ATP8A2: variants seen among roughly 807,000 people sequenced by gnomAD.
The protein encoded by ATP8A2 is ATPase phospholipid transporting 8A2, also known as phospholipid-transporting ATPase IB.
A neutral mutation model predicts 165.6 loss-of-function variants in ATP8A2; 100 were observed. That is an observed-to-expected ratio of 0.60 (90% CI 0.51 to 0.71). ATP8A2 has a LOEUF of 0.71. ATP8A2 is among the 30% of genes least tolerant of loss of function. The pLI is 0.00. For synonymous variants in ATP8A2, 543 were observed against 548.8 expected (o/e 0.99, Z 0.15); for missense variants, 1,227 against 1,479.5 (o/e 0.83, Z 2.80).
At chr13:25,406,857 G>A (rs2033816899) in intron 1 of ATP8A2, among the ~76,000 whole-genome samples, 1 of 152,224 alleles carries the variant, frequency 6.6e-6, no homozygotes, top group South Asian at 2.1e-4. Context: ...CTCAGCTCAA[G>A]CGGTGGCTTT....
chr13:25,736,638 T>C (rs547118090), intron 25 of ATP8A2, among the ~76,000 whole-genome samples: 3 of 152,340 alleles, frequency 2.0e-5, no homozygotes, highest in South Asian at 4.1e-4. Context: ...TGAATTCTGC[T>C]ATTGCTGCAC....
At chr13:25,651,503 T>C (rs927515804) in intron 24 of ATP8A2, among the ~76,000 whole-genome samples, 5 of 152,200 alleles carry the variant, frequency 3.3e-5, no homozygotes, top group African/African-American at 9.6e-5. Context: ...AGTAAGCTTT[T>C]TTTTCTGCAG....
Position 25,418,481 on chromosome 13 carries a change from T to TTA in ATP8A2, c.76+46193_76+46194insTA, listed in dbSNP as rs5802334. ...TACCATGTTAAAGGATATTTTTTTT[T>TTA]CCAAAAAGTTAAATCATAACTCTCA... On this transcript the variant is annotated intron_variant, in intron 1 of 36. Transcript: ENST00000381655. Among the ~76,000 whole-genome samples the TTA allele has an allele frequency of 3.5e-4, 53 of 151,986 alleles. 1 individual carries two copies. Among genetic ancestry groups the TTA allele is most frequent in the African/African-American group, 1.1e-3 (47 of 41,458 alleles).
intron 33 of ATP8A2, among the ~76,000 whole-genome samples, chr13:25,907,618 A>G (rs1049052752): frequency 6.6e-6 from 1 of 152,206 alleles, no homozygotes; most frequent in Admixed American, 6.5e-5. Flanking sequence ...TCAACTGTAA[A>G]ACAGCGTTGA....
intron 33 of ATP8A2, among the ~76,000 whole-genome samples, chr13:25,919,049 TTC>T (rs1053814144): frequency 6.6e-6 from 1 of 152,190 alleles, no homozygotes; most frequent in African/African-American, 2.4e-5. Context: ...AGATAATGAA[TTC>T]TCTTTTTTAA....
chr13:25,393,406 T>C (rs2033315578), intron 1 of ATP8A2, among the ~76,000 whole-genome samples: 1 of 151,790 alleles, frequency 6.6e-6, no homozygotes, highest in East Asian at 1.9e-4. Context: ...CCCAACCTAT[T>C]TACATACTTT....
intron 25 of ATP8A2, among the ~76,000 whole-genome samples, chr13:25,747,176 A>C (rs1308301844): frequency 6.6e-6 from 1 of 152,252 alleles, no homozygotes; most frequent in Non-Finnish European, 1.5e-5. Flanking sequence ...AGGAGGGATC[A>C]GTAGAAACTT....
chr13:25,400,203 G>GT (rs2033592992), intron 1 of ATP8A2, among the ~76,000 whole-genome samples: 1 of 152,188 alleles, frequency 6.6e-6, no homozygotes, highest in African/African-American at 2.4e-5. Flanking sequence ...GGGATGAGAG[G>GT]TGTGAGCCAC....
In ATP8A2 at chr13:25,737,862, T is replaced by G. The variant is rs374406194; in HGVS notation, c.2385-31184T>G. 6.8e-4 allele frequency among the ~76,000 whole-genome samples: 104 copies of G among 152,208 alleles called. 1 individual carries two copies. Among genetic ancestry groups the G allele is most frequent in the African/African-American group, 2.4e-3 (101 of 41,530 alleles). ...CCATGCCTGACTAATTTTTTTGTAT[T>G]TTTAGCAGAGACGGGGTTTCACCGT... On this transcript the variant is annotated intron_variant, in intron 25 of 36. Coordinates refer to ENST00000381655, the MANE Select transcript of ATP8A2 (RefSeq NM_016529.6).
At chr13:25,544,861 G>C (rs1458057236) in intron 10 of ATP8A2, among the ~76,000 whole-genome samples, 1 of 152,100 alleles carries the variant, frequency 6.6e-6, no homozygotes, top group Non-Finnish European at 1.5e-5. Context: ...CTGGCTACGG[G>C]GGAGGGGCAG....
At chr13:25,803,012 G>T (rs1355244203) in intron 27 of ATP8A2, among the ~76,000 whole-genome samples, 2 of 151,472 alleles carry the variant, frequency 1.3e-5, no homozygotes, top group Admixed American at 1.3e-4. Context: ...AAAAACTGGA[G>T]AATTTTTTTT....
At chr13:25,800,092 C>T (rs190812826) in intron 27 of ATP8A2, among the ~76,000 whole-genome samples, 55 of 152,358 alleles carry the variant, frequency 3.6e-4, no homozygotes, top group Admixed American at 3.3e-3. Flanking sequence ...TGTCCACCAA[C>T]TCCTAAGTCC....
chr13:25,697,274 G>GTT (rs2042853060), intron 24 of ATP8A2, among the ~76,000 whole-genome samples: 1 of 151,918 alleles, frequency 6.6e-6, no homozygotes, highest in African/African-American at 2.4e-5. Flanking sequence ...TTCTTTTGTT[G>GTT]TTGTTGTTGT....
chr13:25,699,410 A>T, intron 25 of ATP8A2, 65 bp downstream of exon 25: 1 of 1,224,842 alleles, frequency 8.2e-7, no homozygotes, highest in Non-Finnish European at 1.1e-6. Context: ...CTTATACAAA[A>T]GAAAGGGATG....
intron 30 of ATP8A2, 108 bp from the exon 31 acceptor site, chr13:25,860,087 C>T (rs1952299985): frequency 1.5e-6 from 1 of 648,868 alleles, no homozygotes; most frequent in Non-Finnish European, 2.8e-6. Flanking sequence ...TTTTGAAATA[C>T]TCTGTGAGTT....
intron 25 of ATP8A2, among the ~76,000 whole-genome samples, chr13:25,699,561 A>G (rs1183490186): frequency 6.6e-6 from 1 of 152,236 alleles, no homozygotes; most frequent in Non-Finnish European, 1.5e-5. Context: ...TCTTCTGAGA[A>G]GATAAAAAGA....
At chr13:25,513,040 C>T (rs1276948720) in intron 2 of ATP8A2, among the ~76,000 whole-genome samples, 15 of 144,898 alleles carry the variant, frequency 1.0e-4, no homozygotes, top group Non-Finnish European at 1.5e-4. Context: ...CCGGACGGGG[C>T]GGCTGGCCTG....
chr13:25,400,071 C>G (rs900176694), intron 1 of ATP8A2, among the ~76,000 whole-genome samples: 7 of 152,088 alleles, frequency 4.6e-5, no homozygotes, highest in Non-Finnish European at 8.8e-5. Flanking sequence ...TACAGGCACA[C>G]ACTGCCACGC....
chr13:25,577,468 T>C (rs1275952501), intron 20 of ATP8A2, among the ~76,000 whole-genome samples: 1 of 152,224 alleles, frequency 6.6e-6, no homozygotes. Context: ...CAAAGTAATT[T>C]GTGTTGACCT....
Sources: gnomAD v4.1 joint callset for allele counts (sites outside exome capture counted in the v4.1 genomes callset) on GRCh38, gnomAD v4.1.1 for gene constraint, MANE v1.5 for transcripts, NCBI Gene and HGNC (gene_info 2026-07-23, HGNC 2026-07-21) for gene names.